The following CLASP2 variants were observed in gnomAD, a reference collection of about 807,000 sequenced individuals.
CLASP2 encodes the protein cytoplasmic linker associated protein 2.
Under a neutral mutation model 194.4 loss-of-function variants are expected in CLASP2, and 47 were observed. The observed-to-expected ratio is 0.24, with a 90% CI of 0.19 to 0.31. The LOEUF is 0.31. CLASP2 is among the 10% of genes least tolerant of loss of function. The pLI, the probability that CLASP2 is intolerant of heterozygous loss-of-function variation, is 1.00. For synonymous variants in CLASP2, 619 were observed against 633.5 expected, an observed-to-expected ratio of 0.98 and a Z score of 0.34; for missense variants, 1,445 against 1,823.6, an observed-to-expected ratio of 0.79 and a Z score of 3.78.
intron 27 of CLASP2, among the ~76,000 whole-genome samples, chr3:33,564,802 T>C (rs1282091152): frequency 6.6e-6 from 1 of 152,094 alleles, no homozygotes; most frequent in East Asian, 1.9e-4. Flanking sequence ...GTTGTCCAGG[T>C]TAGTCTTGAA....
In CLASP2 at chr3:33,663,497, G is replaced by C; in HGVS notation, c.663C>G (p.Ala221=). Residue 221 remains alanine, a synonymous_variant, in exon 7 of 39, where the codon GCC becomes GCG. Transcript: ENST00000682230. ...IPPARLEMIF[A]KFDEVQSSGG... ...CTGAACTTTGCACTTCATCAAATTT[G>C]GCAAATATCATTTCTAATCTGGGAA... 1 of 1,611,518 alleles carries C rather than the reference G, an allele frequency of 6.2e-7. No homozygotes were observed. The highest frequency in any genetic ancestry group is 8.5e-7 in the Non-Finnish European group (1 of 1,178,338).
chr3:33,708,882 C>T (rs1170713434), intron 1 of CLASP2, among the ~76,000 whole-genome samples: 1 of 152,150 alleles, frequency 6.6e-6, no homozygotes, highest in Non-Finnish European at 1.5e-5. Flanking sequence ...TGATAGCAGA[C>T]ATCCTAACTG....
intron 18 of CLASP2, among the ~76,000 whole-genome samples, chr3:33,601,796 C>G (rs968081163): frequency 1.3e-5 from 2 of 152,178 alleles, no homozygotes; most frequent in South Asian, 4.1e-4. Flanking sequence ...ACTGAATGAT[C>G]TATTCCTCTT....
At chr3:33,516,923 C>T in intron 35 of CLASP2, 58 bp downstream of exon 35, 1 of 1,392,682 alleles carries the variant, frequency 7.2e-7, no homozygotes, top group South Asian at 1.2e-5. Flanking sequence ...ATTAGATTAA[C>T]AGGCAATGTA....
At chr3:33,563,897 C>A in intron 27 of CLASP2, 1 of 456,252 alleles carries the variant, frequency 2.2e-6, no homozygotes, top group Non-Finnish European at 4.4e-6. Flanking sequence ...TCCTTGAACA[C>A]ACCTCATATA....
At chr3:33,650,041 A>G (rs574807482) in intron 7 of CLASP2, among the ~76,000 whole-genome samples, 60 of 152,338 alleles carry the variant, frequency 3.9e-4, no homozygotes, top group African/African-American at 1.4e-3. Context: ...AGAACAGTAT[A>G]AAAAGAAACA....
At chr3:33,691,319 GAC>G (rs2091325397) in intron 2 of CLASP2, among the ~76,000 whole-genome samples, 1 of 152,060 alleles carries the variant, frequency 6.6e-6, no homozygotes, top group African/African-American at 2.4e-5. Flanking sequence ...TTTATTTATA[GAC>G]ACATATAATT....
At chr3:33,615,033 C>G (rs1379519121) in intron 12 of CLASP2, among the ~76,000 whole-genome samples, 1 of 151,846 alleles carries the variant, frequency 6.6e-6, no homozygotes, top group Non-Finnish European at 1.5e-5. Context: ...GTTCAACGGT[C>G]AAATTTTTAG....
Position 33,657,588 on chromosome 3 carries a change from GT to G in CLASP2, c.715+5856del, listed in dbSNP as rs1177742069. Among the ~76,000 whole-genome samples the G allele has an allele frequency of 4.1e-3, 588 of 144,110 alleles. 2 individuals carry two copies. Among genetic ancestry groups the G allele is most frequent in the Non-Finnish European group, 7.1e-3 (465 of 65,312 alleles). The allele number at this position is 144,110 out of a possible 152,430, so 94.5% of individuals were successfully genotyped here. ...TAGGGTTATCTACAAATTAGGTTTG[GT>G]TTTTTTTTTTTAAAAAGGAAGAAAC... On this transcript the variant is annotated intron_variant, in intron 7 of 38. Coordinates refer to ENST00000682230, the MANE Select transcript of CLASP2 (RefSeq NM_001365631.1).
Position 33,576,250 on chromosome 3 carries a change from T to C in CLASP2, c.2373A>G (p.Ser791=). 6.2e-7 allele frequency: 1 copy of C among 1,613,702 alleles called. No individual in the cohort carries two copies. Among genetic ancestry groups the C allele is most frequent in the African/African-American group, 1.3e-5 (1 of 75,030 alleles). ...PLGPGYGISQ[S]SRLSSSVSAM... ...CACTAACAGAAGACGACAGTCGACTTGATTGGCTGATCCCATAACCTGGAC... is the reference window on the plus strand; with the variant it reads ...CACTAACAGAAGACGACAGTCGACTCGATTGGCTGATCCCATAACCTGGAC... Residue 791 remains serine (S), a synonymous_variant, in exon 24 of 39, where the codon TCA becomes TCG. Transcript: ENST00000682230.
At chr3:33,558,116 C>A (rs1283323368) in intron 29 of CLASP2, among the ~76,000 whole-genome samples, 1 of 152,222 alleles carries the variant, frequency 6.6e-6, no homozygotes, top group Non-Finnish European at 1.5e-5. Flanking sequence ...ATTTACTGAG[C>A]ACGAGATGAA....
At chr3:33,648,955 T>C (rs2082720821) in intron 7 of CLASP2, among the ~76,000 whole-genome samples, 1 of 152,196 alleles carries the variant, frequency 6.6e-6, no homozygotes, top group Non-Finnish European at 1.5e-5. Context: ...AACAAAGTCA[T>C]ATCACATCAC....
At chr3:33,554,643 C>T (rs1474003419) in intron 29 of CLASP2, 1 of 152,476 alleles carries the variant, frequency 6.6e-6, no homozygotes, top group Non-Finnish European at 1.5e-5. Flanking sequence ...ACCATGACTC[C>T]CGGTGCTATG....
intron 29 of CLASP2, among the ~76,000 whole-genome samples, chr3:33,552,396 C>T (rs555107530): frequency 5.3e-5 from 8 of 152,240 alleles, no homozygotes; most frequent in East Asian, 3.9e-4. Flanking sequence ...GGATTACAGG[C>T]GTGAGCCACC....
intron 23 of CLASP2, among the ~76,000 whole-genome samples, chr3:33,576,886 C>A (rs1288170955): frequency 6.6e-6 from 1 of 151,488 alleles, no homozygotes; most frequent in Non-Finnish European, 1.5e-5. Context: ...AATTAAAACA[C>A]TTCATCCACC....
At chr3:33,593,674 G>A (rs544441080) in intron 20 of CLASP2, among the ~76,000 whole-genome samples, 51 of 152,214 alleles carry the variant, frequency 3.4e-4, no homozygotes, top group African/African-American at 1.1e-3. Context: ...AGTCTATTTT[G>A]AGCAGGACAC....
chr3:33,637,696 T>C (rs1272060517), intron 8 of CLASP2, among the ~76,000 whole-genome samples: 2 of 152,146 alleles, frequency 1.3e-5, no homozygotes, highest in Non-Finnish European at 2.9e-5. Flanking sequence ...GCCAGACAGA[T>C]AGGTGGAGGA....
At chr3:33,593,455 T>C (rs2069340622) in intron 20 of CLASP2, among the ~76,000 whole-genome samples, 1 of 152,034 alleles carries the variant, frequency 6.6e-6, no homozygotes, top group African/African-American at 2.4e-5. Context: ...CCATATTAAT[T>C]AGGAAAAAAC....
At chr3:33,647,558 G>A (rs888083176) in intron 7 of CLASP2, among the ~76,000 whole-genome samples, 1 of 152,098 alleles carries the variant, frequency 6.6e-6, no homozygotes, top group Non-Finnish European at 1.5e-5. Context: ...ATACACATAC[G>A]GCCTTTCCAT....
Sources: allele counts gnomAD v4.1 joint callset (sites outside exome capture counted in the v4.1 genomes callset), GRCh38; gene constraint gnomAD v4.1.1; transcripts MANE v1.5; gene names NCBI Gene and HGNC (gene_info 2026-07-23, HGNC 2026-07-21).